OSBPL3: variants seen among roughly 807,000 people sequenced by gnomAD.
OSBPL3 encodes oxysterol-binding protein-related protein 3.
OSBPL3 carries 65 observed loss-of-function variants against 120.1 expected under a neutral mutation model. That is an observed-to-expected ratio of 0.54 (90% CI 0.44 to 0.67). The LOEUF (loss-of-function observed/expected upper bound fraction) is 0.67, where lower values mean the gene tolerates loss of function less well. Among genes scored for constraint, OSBPL3 ranks in the 30% least tolerant of loss-of-function variants. The pLI is 0.00. For synonymous variants in OSBPL3, 416 were observed against 402.6 expected, an observed-to-expected ratio of 1.03 and a Z score of -0.40; for missense variants, 1,004 against 1,082.1, an observed-to-expected ratio of 0.93 and a Z score of 1.01.
chr7:24,871,992 C>CA lies in OSBPL3; in HGVS notation c.173dup (p.Leu58PhefsTer14). 1 of 1,613,808 alleles carries CA rather than the reference C, an allele frequency of 6.2e-7. No homozygotes were observed. The highest frequency in any genetic ancestry group is 8.5e-7 in the Non-Finnish European group (1 of 1,179,866). ...TTAAGGGCCACTTCCTCTTTTTCAGCAAAAATCCTTTCTGAACTGGTGGCT... is the reference window on the plus strand; with the variant it reads ...TTAAGGGCCACTTCCTCTTTTTCAGCAAAAAATCCTTTCTGAACTGGTGGCT... On this transcript the variant is annotated frameshift_variant, in exon 3 of 23. Coordinates refer to ENST00000313367, the MANE Select transcript of OSBPL3 (RefSeq NM_015550.4). LOFTEE classifies it high-confidence loss of function. The surrounding 1 kb of genome is among the most constrained non-coding windows in gnomAD (Gnocchi z 4.8).
rs1370491509 is a variant in OSBPL3, at chr7:24,894,982, GTCTCCTT to G, written c.-149-2368_-149-2362del. Among the ~76,000 whole-genome samples the G allele has an allele frequency of 1.3e-5, 2 of 152,126 alleles. No individual in the cohort carries two copies. The highest frequency in any genetic ancestry group is 1.3e-4 in the Admixed American group (2 of 15,284). ...TGACCCCCTGGTGACCCCTACCCCT[GTCTCCTT>G]TCCCCTTCTGGGAAAGAAAGAGAGG... On this transcript the variant is annotated intron_variant, in intron 1 of 22. Transcript: ENST00000313367. The surrounding 1 kb of genome is among the most constrained non-coding windows in gnomAD (Gnocchi z 4.1).
At chr7:24,980,430 G>C (rs1355276254), upstream of OSBPL3, among the ~76,000 whole-genome samples, 1 of 152,114 alleles carries the variant, frequency 6.6e-6, no homozygotes, top group Non-Finnish European at 1.5e-5. Context: ...GCGGAGGGAG[G>C]CGAGTCCTGC....
At chr7:24,809,748 G>C in intron 20 of OSBPL3, 59 bp downstream of exon 20, 9 of 1,547,408 alleles carry the variant, frequency 5.8e-6, no homozygotes, top group Non-Finnish European at 7.1e-6. Context: ...GTGGCTTCTT[G>C]TGTCATGCCC....
Position 24,820,396 on chromosome 7 carries a change from C to T in OSBPL3, c.1885-158G>A, listed in dbSNP as rs775205486. Among the ~76,000 whole-genome samples the T allele has an allele frequency of 1.3e-5, 2 of 152,158 alleles. No individual in the cohort carries two copies. Among genetic ancestry groups the T allele is most frequent in the African/African-American group, 2.4e-5 (1 of 41,446 alleles). ...CTCATCAAGTGTGTCCTCAAGAGGG[C>T]GCTCCTGATACAGTCAGCTCCCACT... is the stretch of plus-strand genomic sequence containing the variant. On this transcript the variant is annotated intron_variant, in intron 16 of 22. Transcript: ENST00000313367. The surrounding 1 kb of genome is among the most constrained non-coding windows in gnomAD (Gnocchi z 4.6).
At chr7:24,962,512 G>A (rs1258220965) in intron 1 of OSBPL3, among the ~76,000 whole-genome samples, 13 of 149,072 alleles carry the variant, frequency 8.7e-5, no homozygotes, top group South Asian at 2.1e-4. Flanking sequence ...CCCATGCCTG[G>A]CCAGTAACAG....
At chr7:24,917,407 T>TATATATTTGTAAC (rs1809760583) in intron 1 of OSBPL3, among the ~76,000 whole-genome samples, 3 of 95,204 alleles carry the variant, frequency 3.2e-5, no homozygotes, top group Admixed American at 1.0e-4. Context: ...GTAACATATA[T>TATATATTTGTAAC]ATATATATAT....
chr7:24,979,578 T>TCCTCCCGCACCTGCGCCGCGG (rs1282940505), intron 1 of OSBPL3, among the ~76,000 whole-genome samples: 5 of 151,956 alleles, frequency 3.3e-5, no homozygotes, highest in South Asian at 4.1e-4. Context: ...GCGCGCCGCG[T>TCCTCCCGCACCTGCGCCGCGG]CCTCCCGCAC....
chr7:24,888,210 T>C (rs564698487), intron 2 of OSBPL3, among the ~76,000 whole-genome samples: 4 of 152,260 alleles, frequency 2.6e-5, no homozygotes, highest in Non-Finnish European at 5.9e-5. Context: ...CAAATAAGAC[T>C]TGAAGGTCAA....
In OSBPL3 at chr7:24,817,091, T is replaced by C. The variant is rs1408727378; in HGVS notation, c.1949-403A>G. Among the ~76,000 whole-genome samples, 9 of 152,206 alleles carry C rather than the reference T, an allele frequency of 5.9e-5. No homozygotes were observed. In the East Asian group the frequency reaches 1.7e-3, roughly 29 times the overall value. ...CTTTGAGGAATAAGCAGGAGTTCAC[T>C]GGGCAGAGAAAAAGCAATTTAAGGC... On this transcript the variant is annotated intron_variant, in intron 17 of 22. Transcript: ENST00000313367. The surrounding 1 kb of genome is among the most constrained non-coding windows in gnomAD (Gnocchi z 4.0).
At chr7:24,943,853 T>C (rs1051595038) in intron 1 of OSBPL3, among the ~76,000 whole-genome samples, 1 of 152,214 alleles carries the variant, frequency 6.6e-6, no homozygotes, top group African/African-American at 2.4e-5. Context: ...TGGTCCATTT[T>C]GAATCTTGAT....
Position 24,959,285 on chromosome 7 carries a change from C to T in OSBPL3, c.-150+20601G>A, listed in dbSNP as rs1051051925. ...CAAAAGTTATGTACGAGAATATTCA[C>T]AGCAGCACTAATCATAAAAACCCCA... On this transcript the variant is annotated intron_variant, in intron 1 of 22. Coordinates refer to ENST00000313367, the MANE Select transcript of OSBPL3 (RefSeq NM_015550.4). This position sits in a 1 kb window ranked among gnomAD's most constrained non-coding sequence, Gnocchi z 4.3. Among the ~76,000 whole-genome samples the T allele has an allele frequency of 3.3e-5, 5 of 151,936 alleles. No homozygotes were observed. The highest frequency in any genetic ancestry group is 1.2e-4 in the African/African-American group (5 of 41,364).
intron 7 of OSBPL3, among the ~76,000 whole-genome samples, chr7:24,864,454 G>C (rs1366627471): frequency 6.6e-6 from 1 of 152,206 alleles, no homozygotes; most frequent in Non-Finnish European, 1.5e-5. Context: ...CTGCTCCAGA[G>C]ACAAGGCTTC....
Position 24,884,091 on chromosome 7 carries a change from C to CA in OSBPL3, c.96+8285dup, listed in dbSNP as rs56190515. ...AACAAACAAACAACAACAGCAACAA[C>CA]AAAAAAAAACAGCTCCAGGCAAACA... is the stretch of plus-strand genomic sequence containing the variant. On this transcript the variant is annotated intron_variant, in intron 2 of 22. Coordinates refer to ENST00000313367, the MANE Select transcript of OSBPL3 (RefSeq NM_015550.4). 5.0e-4 allele frequency among the ~76,000 whole-genome samples: 75 copies of CA among 150,352 alleles called. No individual in the cohort carries two copies. The South Asian group carries it at 9.6e-3, about 19-fold the overall frequency.
intron 1 of OSBPL3, among the ~76,000 whole-genome samples, chr7:24,917,441 A>G (rs1478417549): frequency 9.3e-6 from 1 of 108,012 alleles, no homozygotes; most frequent in Non-Finnish European, 1.8e-5. Context: ...TAACATATAT[A>G]TATATACACA....
rs1816431662 is a variant in OSBPL3 at position 24,966,792 on chromosome 7, TAA to T, written c.-150+13092_-150+13093del. Among the ~76,000 whole-genome samples the T allele has an allele frequency of 6.6e-6, 1 of 152,240 alleles. No individual in the cohort carries two copies. Among genetic ancestry groups the T allele is most frequent in the South Asian group, 2.1e-4 (1 of 4,834 alleles). Reference sequence around the variant, plus strand: ...TGCTAGTACAAACACAACGCCTCTCTAAAGAGGCTGGGCTTGTTGTGCCTCAT... The same window carrying T: ...TGCTAGTACAAACACAACGCCTCTCTAGAGGCTGGGCTTGTTGTGCCTCAT... On this transcript the variant is annotated intron_variant, in intron 1 of 22. Coordinates refer to ENST00000313367, the MANE Select transcript of OSBPL3 (RefSeq NM_015550.4). This position sits in a 1 kb window ranked among gnomAD's most constrained non-coding sequence, Gnocchi z 4.8.
At chr7:24,890,837 T>C (rs1805237808) in intron 2 of OSBPL3, among the ~76,000 whole-genome samples, 1 of 152,190 alleles carries the variant, frequency 6.6e-6, no homozygotes, top group South Asian at 2.1e-4. Context: ...TTACCCTTCA[T>C]GATGTAACTT....
intron 1 of OSBPL3, among the ~76,000 whole-genome samples, chr7:24,944,712 T>C (rs34401627): frequency 0.24 from 36,924 of 151,968 alleles, 5,373 homozygotes; most frequent in Non-Finnish European, 0.34. Context: ...AGAAGGAATG[T>C]CAAAGGTTCT....
rs1331501965 is a variant in OSBPL3 at position 24,947,470 on chromosome 7, G to C, written c.-150+32416C>G. ...CCTGACTGCTGCTTTTGCTCCCCAC[G>C]TGACTACCCCTGAAAGCTGCATATT... On this transcript the variant is annotated intron_variant, in intron 1 of 22. Transcript: ENST00000313367. This position sits in a 1 kb window ranked among gnomAD's most constrained non-coding sequence, Gnocchi z 4.4. 6.6e-6 allele frequency among the ~76,000 whole-genome samples: 1 copy of C among 152,120 alleles called. No homozygotes were observed. Among genetic ancestry groups the C allele is most frequent in the African/African-American group, 2.4e-5 (1 of 41,434 alleles).
At chr7:24,814,523 G>A (rs1179375299) in intron 19 of OSBPL3, among the ~76,000 whole-genome samples, 37 of 150,966 alleles carry the variant, frequency 2.5e-4, no homozygotes, top group Non-Finnish European at 7.4e-5. Context: ...CTATTTCTAA[G>A]GGTCCATTCA....
Sources: allele counts gnomAD v4.1 joint callset (sites outside exome capture counted in the v4.1 genomes callset), GRCh38; gene constraint gnomAD v4.1.1; non-coding constraint Gnocchi (gnomAD v3.1); transcripts MANE v1.5; gene names NCBI Gene and HGNC (gene_info 2026-07-23, HGNC 2026-07-21).